OGDH: variants seen among roughly 807,000 people sequenced by gnomAD.
OGDH encodes oxoglutarate dehydrogenase.
Under a neutral mutation model 116.6 loss-of-function variants are expected in OGDH, and 38 were observed. The observed-to-expected ratio is 0.33, with a 90% CI of 0.25 to 0.43. The LOEUF is 0.43. Ranked by LOEUF, OGDH falls within the 20% of genes least tolerant of loss-of-function variation. OGDH has a pLI of 1.00. For missense variants in OGDH, 825 were observed against 1,357.2 expected (o/e 0.61, Z 6.16); for synonymous variants, 488 against 533.3 (o/e 0.92, Z 1.17).
At chr7:44,677,652 TGA>T (rs1787757202) in intron 9 of OGDH, among the ~76,000 whole-genome samples, 1 of 151,852 alleles carries the variant, frequency 6.6e-6, no homozygotes, top group Non-Finnish European at 1.5e-5. Context: ...GTGGATCACC[TGA>T]GGTCAGGAGT....
Position 44,674,513 on chromosome 7 carries a change from T to C in OGDH, c.891T>C (p.Ser297=), listed in dbSNP as rs1386351173. 1.2e-6 allele frequency: 2 copies of C among 1,614,004 alleles called. No homozygotes were observed. Among genetic ancestry groups the C allele is most frequent in the African/African-American group, 2.7e-5 (2 of 74,902 alleles). The change falls in exon 7 of 23, where the codon TCT becomes TCC. Residue 297 remains serine (S), a synonymous_variant. Coordinates refer to ENST00000222673, the MANE Select transcript of OGDH (RefSeq NM_002541.4). The stretch of plus-strand genomic sequence containing the variant: ...CCCTCAAGACCATCATTGACAAGTC[T>C]AGTGAGAATGGCGTGGACTACGTGA... ...IPALKTIIDK[S]SENGVDYVIM...
chr7:44,689,208 CTTTTTTTTTTTTT>C (rs367897508), intron 10 of OGDH, among the ~76,000 whole-genome samples: 23 of 101,348 alleles, frequency 2.3e-4, no homozygotes, highest in Admixed American at 5.9e-4. Context: ...ATCAGGGTTC[CTTTTTTTTTTTTT>C]TTTTTTTTTT....
chr7:44,670,807 G>A (rs867094807), intron 5 of OGDH, among the ~76,000 whole-genome samples: 5 of 151,828 alleles, frequency 3.3e-5, no homozygotes, highest in South Asian at 2.1e-4. Context: ...TCAGGAGATC[G>A]AGACCATCCT....
intron 1 of OGDH, among the ~76,000 whole-genome samples, chr7:44,611,153 G>A (rs1305247413): frequency 2.0e-5 from 3 of 147,174 alleles, no homozygotes; most frequent in South Asian, 2.1e-4. Context: ...ACAGCTCACC[G>A]CAGCCTCAAC....
At chr7:44,608,993 C>T (rs1412545466) in intron 1 of OGDH, among the ~76,000 whole-genome samples, 1 of 152,168 alleles carries the variant, frequency 6.6e-6, no homozygotes, top group East Asian at 1.9e-4. Context: ...ATATTCCCGT[C>T]ATCACAAGGA....
chr7:44,701,120 A>G (rs1322737908), intron 19 of OGDH, among the ~76,000 whole-genome samples: 1 of 152,204 alleles, frequency 6.6e-6, no homozygotes, highest in African/African-American at 2.4e-5. Context: ...GGAGGCTTGC[A>G]GCTCGGAGTG....
At chr7:44,686,738 G>GT (rs1304140731) in intron 10 of OGDH, among the ~76,000 whole-genome samples, 4 of 149,734 alleles carry the variant, frequency 2.7e-5, no homozygotes, top group African/African-American at 9.8e-5. Context: ...GCCCAGGCCG[G>GT]AGTGCAATGG....
At chr7:44,608,008 A>AT (rs916912261) in intron 1 of OGDH, among the ~76,000 whole-genome samples, 3 of 151,500 alleles carry the variant, frequency 2.0e-5, no homozygotes, top group Non-Finnish European at 2.9e-5. Context: ...GCCCCTCATT[A>AT]TTTTTTTTAA....
chr7:44,658,594 G>A (rs945925135), intron 4 of OGDH, among the ~76,000 whole-genome samples: 1 of 151,482 alleles, frequency 6.6e-6, no homozygotes, highest in Non-Finnish European at 1.5e-5. Flanking sequence ...ACAACTTTTA[G>A]CACCGTACTG....
In OGDH at chr7:44,707,171, G is replaced by A. The variant is rs1280788617; in HGVS notation, c.2633-54G>A. On this transcript the variant is annotated intron_variant, in intron 20 of 22. Coordinates refer to ENST00000222673, the MANE Select transcript of OGDH (RefSeq NM_002541.4). The surrounding 1 kb of genome is among the most constrained non-coding windows in gnomAD (Gnocchi z 5.2). ...CTGGCACAGCCCTGGGCCCAGGAGA[G>A]CTCTCAGCCACATACCTGAGAGAAC... 3 of 1,587,976 alleles carry A rather than the reference G, an allele frequency of 1.9e-6. No individual in the cohort carries two copies. The East Asian group carries it at 6.7e-5, about 35-fold the overall frequency.
At chr7:44,629,529 G>A (rs535692596) in intron 2 of OGDH, among the ~76,000 whole-genome samples, 2 of 148,406 alleles carry the variant, frequency 1.3e-5, no homozygotes, top group Non-Finnish European at 3.0e-5. Flanking sequence ...CTGCCTCCCT[G>A]TTCTTGTTAA....
chr7:44,684,415 A>C (rs532397023), intron 10 of OGDH, among the ~76,000 whole-genome samples: 2 of 152,382 alleles, frequency 1.3e-5, no homozygotes, highest in South Asian at 4.1e-4. Flanking sequence ...ACTAAGTAGC[A>C]AATACTAAAG....
At position 44,696,937 on chromosome 7, in the gene OGDH, C is replaced by G. The variant is rs750774498; in HGVS notation, c.1924C>G (p.Arg642Gly). 1.2e-6 allele frequency: 2 copies of G among 1,613,238 alleles called. No individual in the cohort carries two copies. Among genetic ancestry groups the G allele is most frequent in the Non-Finnish European group, 1.7e-6 (2 of 1,179,498 alleles). The change falls in exon 15 of 23, where the codon CGT becomes GGT. Residue 642 changes from arginine (R) to glycine (G), a missense_variant. By Grantham distance (125) the Arg-to-Gly change is moderately radical. Coordinates refer to ENST00000222673, the MANE Select transcript of OGDH (RefSeq NM_002541.4). ...AGGGCTGAGCCGGATCTTGAAGACT[C>G]GTGGGGAAATGGTGAAGAACCGGAC... is the stretch of plus-strand genomic sequence containing the variant. Reference protein sequence around the residue: ...HGGLSRILKTRGEMVKNRTVD... With the variant: ...HGGLSRILKTGGEMVKNRTVD...
Position 44,665,195 on chromosome 7 carries a change from G to C in OGDH, c.518-1541G>C, listed in dbSNP as rs577562230. Among the ~76,000 whole-genome samples the C allele has an allele frequency of 9.2e-5, 14 of 151,386 alleles. No individual in the cohort carries two copies. The South Asian group carries it at 2.9e-3, about 32-fold the overall frequency. On this transcript the variant is annotated intron_variant, in intron 4 of 22. Transcript: ENST00000222673. ...CACGTGCTTCACCTAGGCCCAAGTGGTTGCTGTGCCCTCAGTGTTGACAGA... is the reference window on the plus strand; with the variant it reads ...CACGTGCTTCACCTAGGCCCAAGTGCTTGCTGTGCCCTCAGTGTTGACAGA...
rs1207722639 is a variant in OGDH at position 44,708,154 on chromosome 7, G to A, written c.*155G>A. 2.8e-6 allele frequency: 3 copies of A among 1,079,444 alleles called. No homozygotes were observed. Among genetic ancestry groups the A allele is most frequent in the Non-Finnish European group, 3.9e-6 (3 of 764,740 alleles). The allele number at this position is 1,079,444 out of a possible 1,614,324, so 66.9% of individuals were successfully genotyped here. ...CTGCTCTCATAGGAGTTAGGCTGTC[G>A]TCCCCCTCCAGTGCTTGGCTGCCCC... On this transcript the variant is annotated 3_prime_UTR_variant, in exon 23 of 23. Coordinates refer to ENST00000222673, the MANE Select transcript of OGDH (RefSeq NM_002541.4).
chr7:44,671,536 G>A (rs1787453243), intron 5 of OGDH, among the ~76,000 whole-genome samples: 2 of 152,112 alleles, frequency 1.3e-5, no homozygotes, highest in African/African-American at 2.4e-5. Flanking sequence ...GGCCGAGGCG[G>A]GCGGATCACG....
At chr7:44,649,245 GTTTTTTTTTTTT>G (rs373846462) in intron 4 of OGDH, among the ~76,000 whole-genome samples, 3 of 97,724 alleles carry the variant, frequency 3.1e-5, no homozygotes, top group African/African-American at 8.4e-5. Flanking sequence ...ATTTTCTGTT[GTTTTTTTTTTTT>G]TTTTTTTTTT....
chr7:44,696,339 C>G (rs1215173916), intron 13 of OGDH, 90 bp from the exon 14 acceptor site: 3 of 1,495,956 alleles, frequency 2.0e-6, no homozygotes, highest in Non-Finnish European at 2.7e-6. Flanking sequence ...GTCTCTCACC[C>G]TGCTTCTCCC....
chr7:44,617,130 A>T (rs1332649942), intron 1 of OGDH, among the ~76,000 whole-genome samples: 1 of 151,304 alleles, frequency 6.6e-6, no homozygotes, highest in East Asian at 2.0e-4. Flanking sequence ...GCGGGGTTTC[A>T]GCATGTTGGC....
Sources: gnomAD v4.1 joint callset for allele counts (sites outside exome capture counted in the v4.1 genomes callset) on GRCh38, gnomAD v4.1.1 for gene constraint, Gnocchi (gnomAD v3.1) non-coding constraint, MANE v1.5 for transcripts, NCBI Gene and HGNC (gene_info 2026-07-23, HGNC 2026-07-21) for gene names.